Variants in WWOX observed in about 807,000 individuals in gnomAD.
WWOX encodes the protein WW domain containing oxidoreductase.
In WWOX, 69 loss-of-function variants were observed where a neutral mutation model predicts 46.2. The observed-to-expected ratio is 1.49, with a 90% CI of 1.23 to 1.82. The LOEUF (loss-of-function observed/expected upper bound fraction) is 1.82, where lower values mean the gene tolerates loss of function less well. Ranked by LOEUF, WWOX falls within the 40% of genes most tolerant of loss-of-function variation. WWOX has a pLI of 0.00. For synonymous variants in WWOX, 359 were observed against 202.6 expected (o/e 1.77, Z -6.56); for missense variants, 919 against 542.6 (o/e 1.69, Z -6.89).
At chr16:79,193,578 G>A (rs78487066) in intron 8 of WWOX, among the ~76,000 whole-genome samples, 1,705 of 152,246 alleles carry the variant, frequency 0.011, 27 homozygotes, top group African/African-American at 0.036. Context: ...ATCCATCTGC[G>A]TGGTCTCTGT....
At chr16:78,527,128 A>C (rs77579966) in intron 8 of WWOX, among the ~76,000 whole-genome samples, 6,389 of 152,050 alleles carry the variant, frequency 0.042, 300 homozygotes, top group African/African-American at 0.12. Flanking sequence ...ATGCCATTGC[A>C]CTCCAGCCTG....
chr16:78,501,599 G>T (rs2085070865), intron 8 of WWOX, among the ~76,000 whole-genome samples: 1 of 151,604 alleles, frequency 6.6e-6, no homozygotes, highest in Non-Finnish European at 1.5e-5. Context: ...TGCAGTGGTG[G>T]GATCTTGGCT....
chr16:78,695,495 G>A (rs1366810537), intron 8 of WWOX, among the ~76,000 whole-genome samples: 1 of 152,144 alleles, frequency 6.6e-6, no homozygotes, highest in Admixed American at 6.6e-5. Flanking sequence ...TAGGTCATGG[G>A]GGCGGTTAGC....
In WWOX at chr16:79,047,046, A is replaced by C. The variant is rs1007706944; in HGVS notation, c.1057-164562A>C. Reference sequence around the variant, plus strand: ...AGAAATTTGCAAAGCCATTTAATTTACATATGTCCTTGGCATCCACAAATA... The same window carrying C: ...AGAAATTTGCAAAGCCATTTAATTTCCATATGTCCTTGGCATCCACAAATA... On this transcript the variant is annotated intron_variant, in intron 8 of 8. Coordinates refer to ENST00000566780, the MANE Select transcript of WWOX (RefSeq NM_016373.4). 5.9e-5 allele frequency among the ~76,000 whole-genome samples: 9 copies of C among 152,354 alleles called. No individual in the cohort carries two copies. In the South Asian group the frequency reaches 1.0e-3, roughly 18 times the overall value.
intron 8 of WWOX, among the ~76,000 whole-genome samples, chr16:79,127,038 T>C (rs1057290461): frequency 5.9e-5 from 9 of 152,192 alleles, no homozygotes; most frequent in African/African-American, 2.2e-4. Flanking sequence ...TTTTTTTAAA[T>C]TAGGATTAAA....
At chr16:78,474,174 T>C (rs2084301257) in intron 8 of WWOX, among the ~76,000 whole-genome samples, 2 of 152,248 alleles carry the variant, frequency 1.3e-5, no homozygotes, top group African/African-American at 4.8e-5. Context: ...ATTTTAAGTG[T>C]TAACATTGTT....
chr16:78,855,595 G>A (rs1402818658), intron 8 of WWOX, among the ~76,000 whole-genome samples: 1 of 152,168 alleles, frequency 6.6e-6, no homozygotes, highest in African/African-American at 2.4e-5. Flanking sequence ...CCTGCTCAGA[G>A]CTGTAGCCCA....
At chr16:79,173,326 C>T (rs947333495) in intron 8 of WWOX, among the ~76,000 whole-genome samples, 5 of 152,034 alleles carry the variant, frequency 3.3e-5, no homozygotes, top group African/African-American at 7.2e-5. Flanking sequence ...GACGTAAAAA[C>T]ACTTTGTATG....
chr16:78,637,051 C>G (rs2046589355), intron 8 of WWOX, among the ~76,000 whole-genome samples: 1 of 152,220 alleles, frequency 6.6e-6, no homozygotes, highest in African/African-American at 2.4e-5. Flanking sequence ...TCATCTGCAG[C>G]ACACCAAGGA....
chr16:78,327,724 C>A (rs188451117), intron 5 of WWOX, among the ~76,000 whole-genome samples: 153 of 152,220 alleles, frequency 1.0e-3, no homozygotes, highest in Non-Finnish European at 1.8e-3. Context: ...TATAGATAGT[C>A]TTCTCCTTCA....
intron 8 of WWOX, among the ~76,000 whole-genome samples, chr16:78,514,277 T>C (rs2085435324): frequency 6.6e-6 from 1 of 152,216 alleles, no homozygotes; most frequent in Admixed American, 6.5e-5. Context: ...AGTAATTAGA[T>C]AATTATGTAT....
chr16:78,389,375 G>A (rs957548390), intron 6 of WWOX, among the ~76,000 whole-genome samples: 1 of 152,178 alleles, frequency 6.6e-6, no homozygotes, highest in Non-Finnish European at 1.5e-5. Context: ...TGGTGGCCCT[G>A]GAAGCCACAG....
At chr16:78,781,211 GC>G (rs2142554143) in intron 8 of WWOX, among the ~76,000 whole-genome samples, 1 of 152,280 alleles carries the variant, frequency 6.6e-6, no homozygotes, top group South Asian at 2.1e-4. Flanking sequence ...TTGTTCCAAA[GC>G]CTATGTGGGT....
chr16:78,576,994 C>T (rs936570209), intron 8 of WWOX, among the ~76,000 whole-genome samples: 3 of 152,178 alleles, frequency 2.0e-5, no homozygotes, highest in African/African-American at 7.2e-5. Context: ...GCTATTGCTG[C>T]AGAACAAATC....
chr16:78,440,498 A>C (rs116743243), intron 8 of WWOX, among the ~76,000 whole-genome samples: 1,601 of 152,330 alleles, frequency 0.011, 21 homozygotes, highest in African/African-American at 0.037. Flanking sequence ...TGCCTAGAAT[A>C]CTGCCTGACT....
chr16:78,362,963 G>C (rs2081443587), intron 5 of WWOX, among the ~76,000 whole-genome samples: 1 of 152,312 alleles, frequency 6.6e-6, no homozygotes, highest in African/African-American at 2.4e-5. Flanking sequence ...GAAGGCCTCT[G>C]ATTCCTTCCC....
At chr16:78,755,402 C>A (rs967010476) in intron 8 of WWOX, among the ~76,000 whole-genome samples, 50 of 152,162 alleles carry the variant, frequency 3.3e-4, no homozygotes, top group Non-Finnish European at 1.2e-4. Context: ...TGTTGCTATT[C>A]CCCTGGACCA....
At chr16:78,153,098 G>A (rs1461504172) in intron 4 of WWOX, among the ~76,000 whole-genome samples, 1 of 152,146 alleles carries the variant, frequency 6.6e-6, no homozygotes, top group Non-Finnish European at 1.5e-5. Flanking sequence ...TGTTTAGTAA[G>A]CACGATCTCT....
At chr16:78,446,289 G>T (rs988201853) in intron 8 of WWOX, among the ~76,000 whole-genome samples, 4 of 152,192 alleles carry the variant, frequency 2.6e-5, no homozygotes, top group Non-Finnish European at 5.9e-5. Context: ...GAAAGAGCAT[G>T]CGCTTTTGAC....
Sources: gnomAD v4.1 joint callset for allele counts (sites outside exome capture counted in the v4.1 genomes callset) on GRCh38, gnomAD v4.1.1 for gene constraint, MANE v1.5 for transcripts, NCBI Gene and HGNC (gene_info 2026-07-23, HGNC 2026-07-21) for gene names.